FRMD4A: variants seen among roughly 807,000 people sequenced by gnomAD.
FRMD4A encodes FERM domain-containing protein 4A.
A neutral mutation model predicts 129.1 loss-of-function variants in FRMD4A; 29 were observed. The ratio of observed to expected loss-of-function variants is 0.22; its 90% CI spans 0.17 to 0.31. The LOEUF is 0.31. Among genes scored for constraint, FRMD4A ranks in the 10% least tolerant of loss-of-function variants. The probability of loss-of-function intolerance (pLI) is 1.00; values close to 1 mark genes in which losing one functional copy is unlikely to be tolerated. For synonymous variants in FRMD4A, 634 were observed against 571.6 expected, an observed-to-expected ratio of 1.11 and a Z score of -1.56; for missense variants, 1,272 against 1,375.8, an observed-to-expected ratio of 0.92 and a Z score of 1.19.
chr10:13,699,811 A>G (rs2086630169), intron 14 of FRMD4A, among the ~76,000 whole-genome samples: 1 of 152,162 alleles, frequency 6.6e-6, no homozygotes, highest in South Asian at 2.1e-4. Context: ...GTCAATATCG[A>G]GCATGAGTCA....
At chr10:13,980,346 A>G (rs2095556271) in intron 2 of FRMD4A, among the ~76,000 whole-genome samples, 1 of 152,212 alleles carries the variant, frequency 6.6e-6, no homozygotes, top group Non-Finnish European at 1.5e-5. Context: ...GACTGTGGTA[A>G]AAACAAAAAA....
At chr10:14,211,621 T>C (rs186232795) in intron 2 of FRMD4A, among the ~76,000 whole-genome samples, 2 of 152,228 alleles carry the variant, frequency 1.3e-5, no homozygotes, top group Non-Finnish European at 2.9e-5. Flanking sequence ...GATTGTATTC[T>C]ACTTATCTTG....
intron 2 of FRMD4A, among the ~76,000 whole-genome samples, chr10:14,065,962 C>T (rs111434493): frequency 5.6e-4 from 85 of 150,558 alleles, no homozygotes; most frequent in African/African-American, 2.0e-3. Context: ...CAAACTACAA[C>T]TTCCAGAAAA....
intron 2 of FRMD4A, among the ~76,000 whole-genome samples, chr10:14,180,962 A>G (rs75524090): frequency 6.6e-6 from 1 of 152,338 alleles, no homozygotes; most frequent in Non-Finnish European, 1.5e-5. Flanking sequence ...ACACGGTATG[A>G]GGTTCTATGC....
At chr10:13,917,609 T>C (rs1172076943) in intron 2 of FRMD4A, among the ~76,000 whole-genome samples, 1 of 152,138 alleles carries the variant, frequency 6.6e-6, no homozygotes, top group Non-Finnish European at 1.5e-5. Flanking sequence ...TATTTAATAA[T>C]ATACACACAC....
At chr10:13,691,649 T>TGACAAGCCCTCCAAGTGGTTTC (rs1355980827) in intron 15 of FRMD4A, among the ~76,000 whole-genome samples, 4 of 152,166 alleles carry the variant, frequency 2.6e-5, no homozygotes, top group African/African-American at 9.7e-5. Context: ...AGAGGGGTTT[T>TGACAAGCCCTCCAAGTGGTTTC]GACAAGCCCT....
chr10:13,959,543 C>G (rs960879456), intron 2 of FRMD4A, among the ~76,000 whole-genome samples: 1 of 131,732 alleles, frequency 7.6e-6, no homozygotes, highest in Non-Finnish European at 1.6e-5. Flanking sequence ...CATCAGGTGA[C>G]AGGTTCATTA....
chr10:13,806,819 A>G (rs2093364438), intron 4 of FRMD4A, among the ~76,000 whole-genome samples: 1 of 151,922 alleles, frequency 6.6e-6, no homozygotes, highest in Non-Finnish European at 1.5e-5. Flanking sequence ...TACTTTTTTT[A>G]TTTTTTGAGA....
chr10:13,962,209 A>T (rs568487825), intron 2 of FRMD4A, among the ~76,000 whole-genome samples: 1 of 152,334 alleles, frequency 6.6e-6, no homozygotes, highest in African/African-American at 2.4e-5. Context: ...GTAGCTGATC[A>T]TTGCCCCAGA....
intron 2 of FRMD4A, among the ~76,000 whole-genome samples, chr10:14,004,916 C>G (rs574525985): frequency 6.6e-5 from 10 of 152,306 alleles, no homozygotes; most frequent in African/African-American, 2.4e-4. Context: ...TAGCTTAATT[C>G]TAGCCTGTAT....
intron 2 of FRMD4A, among the ~76,000 whole-genome samples, chr10:13,893,814 A>T (rs1589193501): frequency 6.6e-6 from 1 of 152,196 alleles, no homozygotes; most frequent in African/African-American, 2.4e-5. Flanking sequence ...CCCAGCTCAG[A>T]CATACATTTC....
intron 2 of FRMD4A, among the ~76,000 whole-genome samples, chr10:13,906,802 A>T (rs979447542): frequency 1.3e-5 from 2 of 152,156 alleles, no homozygotes; most frequent in Admixed American, 1.3e-4. Flanking sequence ...CCTTGCCGAG[A>T]TGTTCGCCCT....
intron 6 of FRMD4A, among the ~76,000 whole-genome samples, chr10:13,775,612 G>A (rs954804021): frequency 2.2e-4 from 33 of 152,116 alleles, no homozygotes; most frequent in Admixed American, 1.7e-3. Context: ...CTCCGGATCC[G>A]GGAAAGAGAG....
intron 6 of FRMD4A, among the ~76,000 whole-genome samples, chr10:13,770,312 T>A (rs1348198658): frequency 6.6e-6 from 1 of 152,212 alleles, no homozygotes; most frequent in Admixed American, 6.5e-5. Context: ...TGAATGCCAC[T>A]CATGCTCAGC....
Position 13,988,842 on chromosome 10 carries a change from T to C in FRMD4A, c.46-129930A>G, listed in dbSNP as rs12572939. ...AAAGATGAAAAAGAAAAATAACCTA[T>C]GAGCATGGACGTCAGAGAGGATACT... On this transcript the variant is annotated intron_variant, in intron 2 of 24. Coordinates refer to ENST00000357447, the MANE Select transcript of FRMD4A (RefSeq NM_018027.5). 7.4e-3 allele frequency among the ~76,000 whole-genome samples: 1,122 copies of C among 152,258 alleles called. 28 individuals are homozygous for C. Among genetic ancestry groups the C allele is most frequent in the East Asian group, 0.052 (271 of 5,180 alleles).
At chr10:13,875,541 C>T (rs116526544) in intron 2 of FRMD4A, among the ~76,000 whole-genome samples, 5 of 152,170 alleles carry the variant, frequency 3.3e-5, no homozygotes, top group Non-Finnish European at 5.9e-5. Flanking sequence ...TCTTCACGCA[C>T]GTGCTAGAAG....
chr10:13,748,245 G>A (rs1283687019), intron 8 of FRMD4A, among the ~76,000 whole-genome samples: 7 of 152,182 alleles, frequency 4.6e-5, no homozygotes, highest in African/African-American at 9.7e-5. Context: ...GGGCAATGGC[G>A]CCACTGTCTC....
chr10:14,048,225 TC>T (rs1834072613), intron 2 of FRMD4A, among the ~76,000 whole-genome samples: 1 of 152,074 alleles, frequency 6.6e-6, no homozygotes, highest in Admixed American at 6.5e-5. Context: ...CCCGGAGTGG[TC>T]CCCATGGATA....
chr10:13,955,901 G>A (rs746434679), intron 2 of FRMD4A, among the ~76,000 whole-genome samples: 3 of 152,170 alleles, frequency 2.0e-5, no homozygotes, highest in East Asian at 1.9e-4. Flanking sequence ...GGAATATTCC[G>A]GTATTTTCCA....
Sources: allele counts gnomAD v4.1 joint callset (sites outside exome capture counted in the v4.1 genomes callset), GRCh38; gene constraint gnomAD v4.1.1; transcripts MANE v1.5; gene names NCBI Gene and HGNC (gene_info 2026-07-23, HGNC 2026-07-21).